Variants in CNTN5 observed in about 807,000 individuals in gnomAD.
CNTN5 encodes the protein contactin 5, also known as contactin-5.
CNTN5 carries 77 observed loss-of-function variants against 129.1 expected under a neutral mutation model. That is an observed-to-expected ratio of 0.60 (90% CI 0.50 to 0.72). The LOEUF (loss-of-function observed/expected upper bound fraction) is 0.72, where lower values mean the gene tolerates loss of function less well. Among genes scored for constraint, CNTN5 ranks in the 30% least tolerant of loss-of-function variants. The probability of loss-of-function intolerance (pLI) is 0.00; values close to 1 mark genes in which losing one functional copy is unlikely to be tolerated. For missense variants in CNTN5, 1,478 were observed against 1,328.8 expected, an observed-to-expected ratio of 1.11 and a Z score of -1.75; for synonymous variants, 509 against 465.6, an observed-to-expected ratio of 1.09 and a Z score of -1.20.
chr11:99,931,471 A>G (rs1053198125), intron 7 of CNTN5, among the ~76,000 whole-genome samples: 1 of 152,236 alleles, frequency 6.6e-6, no homozygotes, highest in Non-Finnish European at 1.5e-5. Context: ...GACATCAAGC[A>G]GCTCTAGTTT....
rs1417448265 is a variant in CNTN5, at chr11:99,623,746, AAT to A, written c.55+67479_55+67480del. On this transcript the variant is annotated intron_variant, in intron 3 of 24. Coordinates refer to ENST00000524871, the MANE Select transcript of CNTN5 (RefSeq NM_014361.4). ...ATGTTTAGCAGAGAAAGATACAAAA[AAT>A]AAAAAAAAAAAGATAAAAGCTGTGC... 9.9e-5 allele frequency among the ~76,000 whole-genome samples: 15 copies of A among 151,612 alleles called. 2 individuals are homozygous for A. The highest frequency in any genetic ancestry group is 1.9e-4 in the East Asian group (1 of 5,134).
intron 3 of CNTN5, among the ~76,000 whole-genome samples, chr11:99,556,740 G>C (rs971118830): frequency 1.3e-5 from 2 of 150,154 alleles, no homozygotes; most frequent in Non-Finnish European, 3.0e-5. Context: ...AATCAGGTTA[G>C]CTTTATTATA....
At chr11:100,310,776 G>A (rs1456668310) in intron 21 of CNTN5, among the ~76,000 whole-genome samples, 1 of 151,946 alleles carries the variant, frequency 6.6e-6, no homozygotes, top group African/African-American at 2.4e-5. Context: ...GTAGAGACAT[G>A]ATGTAATGAG....
intron 2 of CNTN5, among the ~76,000 whole-genome samples, chr11:99,479,332 C>T (rs1302843228): frequency 1.3e-5 from 2 of 151,022 alleles, no homozygotes; most frequent in Admixed American, 1.3e-4. Context: ...TTAAATTTTA[C>T]TGCTATCCAT....
intron 1 of CNTN5, among the ~76,000 whole-genome samples, chr11:99,087,970 T>C (rs1565307543): frequency 6.6e-6 from 1 of 152,222 alleles, no homozygotes; most frequent in Non-Finnish European, 1.5e-5. Context: ...CTTGAAATTC[T>C]TAATAATTTT....
At chr11:99,328,042 G>A (rs943968144) in intron 2 of CNTN5, among the ~76,000 whole-genome samples, 11 of 152,182 alleles carry the variant, frequency 7.2e-5, no homozygotes, top group Admixed American at 2.0e-4. Flanking sequence ...CTCTTAGAGA[G>A]TATTACAGTT....
intron 3 of CNTN5, among the ~76,000 whole-genome samples, chr11:99,651,299 G>C (rs762308223): frequency 6.6e-6 from 1 of 151,832 alleles, no homozygotes; most frequent in Non-Finnish European, 1.5e-5. Flanking sequence ...AATGTTTATT[G>C]CATGTGGCAA....
Position 100,302,879 on chromosome 11 carries a change from T to G in CNTN5, c.2620+3483T>G, listed in dbSNP as rs186545814. On this transcript the variant is annotated intron_variant, in intron 20 of 24. Transcript: ENST00000524871. ...AATTATTTTAGAGAAAACCTTGAATTGACATGTTTTTCAAAGAAAAAATCA... is the reference window on the plus strand; with the variant it reads ...AATTATTTTAGAGAAAACCTTGAATGGACATGTTTTTCAAAGAAAAAATCA... Among the ~76,000 whole-genome samples the G allele has an allele frequency of 1.1e-4, 17 of 151,758 alleles. 1 individual carries two copies. The highest frequency in any genetic ancestry group is 1.5e-5 in the Non-Finnish European group (1 of 67,718).
intron 2 of CNTN5, among the ~76,000 whole-genome samples, chr11:99,475,038 A>G (rs1258976946): frequency 6.6e-6 from 1 of 151,816 alleles, no homozygotes; most frequent in Non-Finnish European, 1.5e-5. Context: ...TGAATGTGGG[A>G]TTAGACCATG....
intron 7 of CNTN5, among the ~76,000 whole-genome samples, chr11:99,926,558 G>T (rs970085668): frequency 6.6e-6 from 1 of 152,056 alleles, no homozygotes; most frequent in African/African-American, 2.4e-5. Flanking sequence ...TTAAAATGAT[G>T]TAATTACAAC....
At chr11:99,954,455 A>G (rs1287590907) in intron 7 of CNTN5, among the ~76,000 whole-genome samples, 2 of 152,304 alleles carry the variant, frequency 1.3e-5, no homozygotes, top group African/African-American at 4.8e-5. Flanking sequence ...TTACCACCGA[A>G]TAAGATCGGC....
chr11:99,576,995 C>T (rs1267131615), intron 3 of CNTN5, among the ~76,000 whole-genome samples: 1 of 152,044 alleles, frequency 6.6e-6, no homozygotes, highest in African/African-American at 2.4e-5. Flanking sequence ...AAATTTGAAC[C>T]ACAATAAAGG....
chr11:100,119,320 G>T (rs1196380988), intron 13 of CNTN5, among the ~76,000 whole-genome samples: 2 of 151,816 alleles, frequency 1.3e-5, no homozygotes, highest in Admixed American at 6.6e-5. Context: ...CTCCTTGGGG[G>T]TCCCTAAGAA....
intron 3 of CNTN5, among the ~76,000 whole-genome samples, chr11:99,636,558 G>A (rs1181468529): frequency 6.6e-6 from 1 of 151,932 alleles, no homozygotes; most frequent in Non-Finnish European, 1.5e-5. Context: ...AGGAGTAGAA[G>A]ATTGAAGGGC....
chr11:99,712,908 A>C (rs903291416), intron 3 of CNTN5, among the ~76,000 whole-genome samples: 1 of 152,120 alleles, frequency 6.6e-6, no homozygotes, highest in Admixed American at 6.6e-5. Context: ...GAAGTAAGGT[A>C]GAGTGATGTC....
chr11:100,356,366 G>T lies in CNTN5; in HGVS notation c.*146G>T. ...ACATGGTGAACTTACAGGAGGTTAG[G>T]GGGGAAATATTACTTATCCATCAGG... On this transcript the variant is annotated 3_prime_UTR_variant, in exon 25 of 25. Transcript: ENST00000524871. 1 of 630,600 alleles carries T rather than the reference G, an allele frequency of 1.6e-6. No individual in the cohort carries two copies. The highest frequency in any genetic ancestry group is 2.8e-6 in the Non-Finnish European group (1 of 353,336). The allele number at this position is 630,600 out of a possible 1,614,324, so 39.1% of individuals were successfully genotyped here.
At chr11:100,288,138 G>C (rs1392953428) in intron 18 of CNTN5, among the ~76,000 whole-genome samples, 1 of 152,190 alleles carries the variant, frequency 6.6e-6, no homozygotes, top group Non-Finnish European at 1.5e-5. Flanking sequence ...AAGAGACTTA[G>C]ACTCCCACAC....
At chr11:99,912,472 C>G (rs1324414306) in intron 6 of CNTN5, among the ~76,000 whole-genome samples, 1 of 151,828 alleles carries the variant, frequency 6.6e-6, no homozygotes, top group South Asian at 2.1e-4. Flanking sequence ...TTCTGCATAA[C>G]CAGTACCTAA....
At chr11:99,579,751 A>T (rs1207930249) in intron 3 of CNTN5, among the ~76,000 whole-genome samples, 1 of 149,624 alleles carries the variant, frequency 6.7e-6, no homozygotes, top group Non-Finnish European at 1.5e-5. Context: ...GGGGTTTTCT[A>T]GATATACAAT....
Sources: gnomAD v4.1 joint callset for allele counts (sites outside exome capture counted in the v4.1 genomes callset) on GRCh38, gnomAD v4.1.1 for gene constraint, MANE v1.5 for transcripts, NCBI Gene and HGNC (gene_info 2026-07-23, HGNC 2026-07-21) for gene names.